SPAG16: variants seen among roughly 807,000 people sequenced by gnomAD.
SPAG16 encodes the protein sperm associated antigen 16, also known as sperm-associated antigen 16 protein.
In SPAG16, 86 loss-of-function variants were observed where a neutral mutation model predicts 80.4. The ratio of observed to expected loss-of-function variants is 1.07; its 90% CI spans 0.90 to 1.28. The LOEUF (loss-of-function observed/expected upper bound fraction) is 1.28. Among genes scored for constraint, SPAG16 ranks in the 50% most tolerant of loss-of-function variants. The pLI is 0.00. For synonymous variants in SPAG16, 294 were observed against 265.9 expected (o/e 1.11, Z -1.03); for missense variants, 870 against 765.3 (o/e 1.14, Z -1.61).
chr2:213,341,217 G>T (rs544202388), intron 6 of SPAG16, among the ~76,000 whole-genome samples: 1 of 152,096 alleles, frequency 6.6e-6, no homozygotes, highest in African/African-American at 2.4e-5. Flanking sequence ...AATCACTAAA[G>T]CTCATTTTAT....
At chr2:213,482,388 G>A (rs1026161082) in intron 9 of SPAG16, among the ~76,000 whole-genome samples, 5 of 152,138 alleles carry the variant, frequency 3.3e-5, no homozygotes, top group African/African-American at 4.8e-5. Context: ...TAAACATCCC[G>A]ATGCTGAATT....
At chr2:213,976,207 T>C (rs527663263) in intron 12 of SPAG16, among the ~76,000 whole-genome samples, 1 of 149,730 alleles carries the variant, frequency 6.7e-6, no homozygotes, top group African/African-American at 2.4e-5. Flanking sequence ...TATATACACA[T>C]ACATATGTAC....
chr2:213,378,999 C>T (rs2067030188), intron 9 of SPAG16, among the ~76,000 whole-genome samples: 1 of 152,256 alleles, frequency 6.6e-6, no homozygotes, highest in Admixed American at 6.5e-5. Flanking sequence ...AAGACTGTAA[C>T]TCCCTTCTTA....
intron 9 of SPAG16, among the ~76,000 whole-genome samples, chr2:213,451,322 A>G (rs984182589): frequency 3.9e-5 from 6 of 152,322 alleles, no homozygotes; most frequent in Admixed American, 2.6e-4. Flanking sequence ...AATTTATCCC[A>G]TGCCCACAGG....
intron 10 of SPAG16, among the ~76,000 whole-genome samples, chr2:213,621,667 G>C (rs149033459): frequency 3.3e-3 from 502 of 152,262 alleles, no homozygotes; most frequent in Non-Finnish European, 5.7e-3. Context: ...TGTGGTATAG[G>C]ATAGATTATA....
intron 10 of SPAG16, among the ~76,000 whole-genome samples, chr2:213,782,611 AAC>A (rs1021403616): frequency 3.3e-5 from 5 of 152,298 alleles, no homozygotes; most frequent in South Asian, 2.1e-4. Flanking sequence ...TATTGGTCAT[AAC>A]ACAGAATTTT....
intron 12 of SPAG16, among the ~76,000 whole-genome samples, chr2:213,950,903 G>C (rs2079736753): frequency 6.6e-6 from 1 of 151,494 alleles, no homozygotes; most frequent in Non-Finnish European, 1.5e-5. Flanking sequence ...GGTAGAGACA[G>C]TGTCTCTCTA....
intron 10 of SPAG16, among the ~76,000 whole-genome samples, chr2:213,794,024 A>G (rs544984277): frequency 6.6e-6 from 1 of 152,280 alleles, no homozygotes; most frequent in African/African-American, 2.4e-5. Flanking sequence ...CTTACATTCA[A>G]ATCCAAACTT....
chr2:213,373,716 A>G (rs374683526), intron 8 of SPAG16, among the ~76,000 whole-genome samples: 38 of 152,122 alleles, frequency 2.5e-4, no homozygotes, highest in Non-Finnish European at 4.0e-4. Context: ...TGATATTACT[A>G]TATGCATTCC....
At chr2:214,070,302 C>T (rs1050108288) in intron 13 of SPAG16, among the ~76,000 whole-genome samples, 10 of 151,888 alleles carry the variant, frequency 6.6e-5, no homozygotes, top group Non-Finnish European at 1.3e-4. Flanking sequence ...TACTCTGATA[C>T]CAGATGAATA....
chr2:213,659,034 C>CAA (rs894805747), intron 10 of SPAG16, among the ~76,000 whole-genome samples: 1 of 147,960 alleles, frequency 6.8e-6, no homozygotes, highest in African/African-American at 2.5e-5. Context: ...GACTCTGTCT[C>CAA]AAAAAAAAAC....
chr2:213,329,309 A>G (rs1275491501), intron 5 of SPAG16, among the ~76,000 whole-genome samples: 4 of 152,326 alleles, frequency 2.6e-5, no homozygotes, highest in South Asian at 2.1e-4. Context: ...GGACCTCCCT[A>G]GAGACTTGTT....
intron 10 of SPAG16, among the ~76,000 whole-genome samples, chr2:213,835,191 A>G (rs1259052113): frequency 6.6e-6 from 1 of 152,164 alleles, no homozygotes; most frequent in Non-Finnish European, 1.5e-5. Context: ...GCAAGTCCTA[A>G]TGCTGAACCA....
chr2:213,608,985 G>A (rs1375928382), intron 10 of SPAG16, among the ~76,000 whole-genome samples: 1 of 152,152 alleles, frequency 6.6e-6, no homozygotes, highest in African/African-American at 2.4e-5. Context: ...ACCCAGCTGG[G>A]TATTGTACTT....
In SPAG16 at chr2:213,371,501, G is replaced by A. The variant is rs148109950; in HGVS notation, c.833-3509G>A. On this transcript the variant is annotated intron_variant, in intron 8 of 15. Coordinates refer to ENST00000331683, the MANE Select transcript of SPAG16 (RefSeq NM_024532.5). ...TCATATTTTCATGTTACTTCCTCCC[G>A]CTTTACTTGCTCATTTAAGTTTAGT... is the stretch of plus-strand genomic sequence containing the variant. 4.8e-3 allele frequency among the ~76,000 whole-genome samples: 720 copies of A among 149,678 alleles called. 9 individuals are homozygous for A. Among genetic ancestry groups the A allele is most frequent in the African/African-American group, 0.017 (676 of 40,778 alleles).
chr2:213,380,403 A>G (rs1223944273), intron 9 of SPAG16, among the ~76,000 whole-genome samples: 1 of 152,194 alleles, frequency 6.6e-6, no homozygotes, highest in East Asian at 1.9e-4. Context: ...CCATCAGTGC[A>G]AGCTGGGAGA....
In SPAG16 at chr2:213,381,183, C is replaced by A. The variant is rs1017181419; in HGVS notation, c.942+6064C>A. Among the ~76,000 whole-genome samples the A allele has an allele frequency of 5.3e-5, 8 of 152,194 alleles. No individual in the cohort carries two copies. In the East Asian group the frequency reaches 1.5e-3, roughly 29 times the overall value. On this transcript the variant is annotated intron_variant, in intron 9 of 15. Transcript: ENST00000331683. ...GTGTTTTGGGGTCTCTAGGAAAGGG[C>A]ATTTATTCAGAGCCAATTTCTAATT...
chr2:213,996,368 T>A (rs1289231707), intron 12 of SPAG16, among the ~76,000 whole-genome samples: 5 of 152,138 alleles, frequency 3.3e-5, no homozygotes, highest in African/African-American at 7.2e-5. Flanking sequence ...GGAAATTAAA[T>A]CATATTTAAG....
At chr2:213,857,007 G>A (rs948442294) in intron 10 of SPAG16, among the ~76,000 whole-genome samples, 4 of 152,076 alleles carry the variant, frequency 2.6e-5, no homozygotes, top group Non-Finnish European at 5.9e-5. Context: ...AGGAGGATGG[G>A]TCACCTAAAG....
Sources: allele counts gnomAD v4.1 joint callset (sites outside exome capture counted in the v4.1 genomes callset), GRCh38; gene constraint gnomAD v4.1.1; transcripts MANE v1.5; gene names NCBI Gene and HGNC (gene_info 2026-07-23, HGNC 2026-07-21).